The following ZNF184 variants were observed in gnomAD, a reference collection of about 807,000 sequenced individuals.
ZNF184 encodes the protein zinc finger protein 184 (Kruppel-like).
Under a neutral mutation model 54.4 loss-of-function variants are expected in ZNF184, and 16 were observed. The observed-to-expected ratio is 0.29, with a 90% CI of 0.20 to 0.45. The LOEUF is 0.45. Among genes scored for constraint, ZNF184 ranks in the 20% least tolerant of loss-of-function variants. ZNF184 has a pLI of 1.00. For missense variants in ZNF184, 681 were observed against 888.2 expected (o/e 0.77, Z 2.97); for synonymous variants, 254 against 295.3 (o/e 0.86, Z 1.43).
At chr6:27,443,869 C>T in the ZNF184 span, among the ~76,000 whole-genome samples, 3 of 152,072 alleles carry the variant, frequency 2.0e-5, no homozygotes, top group East Asian at 3.9e-4. Flanking sequence ...TTCTCATAAG[C>T]ACCCTTGCTG....
the ZNF184 span, among the ~76,000 whole-genome samples, chr6:27,442,870 G>A: frequency 0.017 from 522 of 30,646 alleles, 47 homozygotes; most frequent in African/African-American, 0.052. Context: ...AAGAAAGAAA[G>A]AAAGAAAGAA....
downstream of ZNF184, among the ~76,000 whole-genome samples, chr6:27,447,444 G>A (rs1762650601): frequency 6.6e-6 from 1 of 152,104 alleles, no homozygotes; most frequent in Non-Finnish European, 1.5e-5. Context: ...CGGGCACAGT[G>A]ACTCATGCCT....
the ZNF184 span, among the ~76,000 whole-genome samples, chr6:27,442,664 CAAGAAAGAGAGAGAAAGA>C: frequency 1.6e-5 from 2 of 121,856 alleles, no homozygotes; most frequent in African/African-American, 6.2e-5. Flanking sequence ...AGAAAGCAAG[CAAGAAAGAGAGAGAAAGA>C]AAGAAAGAGA....
the ZNF184 span, among the ~76,000 whole-genome samples, chr6:27,422,150 AAG>A: frequency 6.3e-4 from 21 of 33,204 alleles, no homozygotes; most frequent in South Asian, 4.4e-3. Flanking sequence ...CAAAAAAAAA[AAG>A]AAAGAAAGAA....
chr6:27,422,971 G>C, the ZNF184 span, among the ~76,000 whole-genome samples: 1 of 152,190 alleles, frequency 6.6e-6, no homozygotes, highest in South Asian at 2.1e-4. Context: ...TAGCAGGCAA[G>C]GGCGCGCAGA....
At chr6:27,456,593 T>C (rs1762858785) in intron 5 of ZNF184, among the ~76,000 whole-genome samples, 1 of 152,118 alleles carries the variant, frequency 6.6e-6, no homozygotes, top group Non-Finnish European at 1.5e-5. Flanking sequence ...GTGGATTTCA[T>C]AGAAAGGTAG....
At chr6:27,424,058 G>C in the ZNF184 span, among the ~76,000 whole-genome samples, 7 of 152,166 alleles carry the variant, frequency 4.6e-5, no homozygotes, top group Non-Finnish European at 7.4e-5. Context: ...AACTCCTAAA[G>C]TGGCACGCCT....
chr6:27,422,232 C>A, the ZNF184 span, among the ~76,000 whole-genome samples: 50 of 134,398 alleles, frequency 3.7e-4, 2 homozygotes, highest in South Asian at 5.2e-4. Context: ...AAAAGAAATT[C>A]AGAGACCACA....
At chr6:27,429,062 A>G in the ZNF184 span, among the ~76,000 whole-genome samples, 1 of 152,210 alleles carries the variant, frequency 6.6e-6, no homozygotes, top group Non-Finnish European at 1.5e-5. Flanking sequence ...TGGAAGAATA[A>G]TATTAGCTAA....
chr6:27,431,407 T>C, the ZNF184 span, among the ~76,000 whole-genome samples: 1 of 152,214 alleles, frequency 6.6e-6, no homozygotes, highest in African/African-American at 2.4e-5. Flanking sequence ...AATCCAGAGA[T>C]AGATACATGT....
At chr6:27,471,887 TGCCACACTAGTTCG>T (rs1457863285) in intron 2 of ZNF184, among the ~76,000 whole-genome samples, 9 of 152,144 alleles carry the variant, frequency 5.9e-5, no homozygotes, top group African/African-American at 2.2e-4. Flanking sequence ...GCGAGTTTAA[TGCCACACTAGTTCG>T]GGCATAGGGT....
At chr6:27,424,294 CAA>C in the ZNF184 span, among the ~76,000 whole-genome samples, 1 of 152,158 alleles carries the variant, frequency 6.6e-6, no homozygotes, top group Non-Finnish European at 1.5e-5. Context: ...AGTGTGAGCA[CAA>C]AGAGTAAGCA....
Position 27,466,725 on chromosome 6 carries a change from G to C in ZNF184, c.75+1128C>G, listed in dbSNP as rs536925542. ...CTTCGGCTGAAAGTGGGAAGAACTGGTACCATTTCTTTGTTAAGAAAATTC... is the reference window on the plus strand; with the variant it reads ...CTTCGGCTGAAAGTGGGAAGAACTGCTACCATTTCTTTGTTAAGAAAATTC... On this transcript the variant is annotated intron_variant, in intron 3 of 5. Coordinates refer to ENST00000683788, the MANE Select transcript of ZNF184 (RefSeq NM_001318891.2). Among the ~76,000 whole-genome samples, 4 of 152,184 alleles carry C rather than the reference G, an allele frequency of 2.6e-5. No homozygotes were observed. In the East Asian group the frequency reaches 7.7e-4, roughly 29 times the overall value.
Position 27,451,404 on chromosome 6 carries a change from T to G in ZNF184, c.2155A>C (p.Ile719Leu). Reference sequence around the variant, plus strand: ...CCAAAAGGCTTCTCTCCTGAATGAATTCTCTGGTGCTGAATGAGATATGTG... The same window carrying G: ...CCAAAAGGCTTCTCTCCTGAATGAAGTCTCTGGTGCTGAATGAGATATGTG... Reference protein sequence around the residue: ...QSTYLIQHQRIHSGEKPFGCN... With the variant: ...QSTYLIQHQRLHSGEKPFGCN... Residue 719 changes from isoleucine to leucine, a missense_variant, in exon 6 of 6, where the codon ATT (isoleucine) becomes CTT (leucine). Transcript: ENST00000683788. 2 of 1,614,204 alleles carry G rather than the reference T, an allele frequency of 1.2e-6. No homozygotes were observed. The highest frequency in any genetic ancestry group is 1.7e-6 in the Non-Finnish European group (2 of 1,180,014).
the ZNF184 span, among the ~76,000 whole-genome samples, chr6:27,420,013 C>T: frequency 6.6e-6 from 1 of 152,190 alleles, no homozygotes; most frequent in Non-Finnish European, 1.5e-5. Context: ...AATCCTTTTC[C>T]CTTTCACATG....
At chr6:27,416,290 G>A in the ZNF184 span, among the ~76,000 whole-genome samples, 5,279 of 152,302 alleles carry the variant, frequency 0.035, 187 homozygotes, top group African/African-American at 0.091. Context: ...TGAGTTAAGA[G>A]ATGGCATATG....
chr6:27,461,847 G>C (rs1254481328), intron 3 of ZNF184, among the ~76,000 whole-genome samples: 3 of 152,162 alleles, frequency 2.0e-5, no homozygotes, highest in African/African-American at 7.2e-5. Flanking sequence ...GGAGCGGAGA[G>C]AGCTACACAA....
At chr6:27,448,918 C>T (rs1206846320), downstream of ZNF184, among the ~76,000 whole-genome samples, 2 of 152,178 alleles carry the variant, frequency 1.3e-5, no homozygotes, top group Non-Finnish European at 2.9e-5. Context: ...TGGCATTTTA[C>T]AACTTTCTTT....
At chr6:27,404,502 T>C in the ZNF184 span, 7 of 152,188 alleles carry the variant, frequency 4.6e-5, no homozygotes, top group African/African-American at 4.8e-5. Context: ...TAATGAAATA[T>C]TTACTGGGTA....
Sources: gnomAD v4.1 joint callset for allele counts (sites outside exome capture counted in the v4.1 genomes callset) on GRCh38, gnomAD v4.1.1 for gene constraint, MANE v1.5 for transcripts, NCBI Gene and HGNC (gene_info 2026-07-23, HGNC 2026-07-21) for gene names.